SLC35D2: variants seen among roughly 807,000 people sequenced by gnomAD.
SLC35D2 encodes the protein solute carrier family 35 member D2.
Under a neutral mutation model 41.8 loss-of-function variants are expected in SLC35D2, and 43 were observed. The ratio of observed to expected loss-of-function variants is 1.03; its 90% CI spans 0.81 to 1.33. The LOEUF (loss-of-function observed/expected upper bound fraction) is 1.33. Among genes scored for constraint, SLC35D2 ranks in the 40% most tolerant of loss-of-function variants. SLC35D2 has a pLI of 0.00. For synonymous variants in SLC35D2, 150 were observed against 163.9 expected (o/e 0.92, Z 0.65); for missense variants, 380 against 408.4 (o/e 0.93, Z 0.60).
At chr9:96,324,040 G>T (rs748210789) in intron 10 of SLC35D2, 51 bp downstream of exon 10, 1 of 1,496,338 alleles carries the variant, frequency 6.7e-7, no homozygotes, top group Non-Finnish European at 9.3e-7. Context: ...GGAATATTTG[G>T]ATTTCCATTC....
Position 96,343,896 on chromosome 9 carries a change from C to T in SLC35D2, c.684+8G>A. On this transcript the variant is annotated splice_region_variant and intron_variant, in intron 8 of 11. Coordinates refer to ENST00000253270, the MANE Select transcript of SLC35D2 (RefSeq NM_007001.3). ...TAAGGAAAACTGTAATGATTGTCAT[C>T]AGCTCACCTGTTGCAGGTCTCCAGT... The T allele has an allele frequency of 6.6e-7, 1 of 1,506,690 alleles. No individual in the cohort carries two copies. Among genetic ancestry groups the T allele is most frequent in the South Asian group, 1.3e-5 (1 of 77,870 alleles). The allele number at this position is 1,506,690 out of a possible 1,614,324, so 93.3% of individuals were successfully genotyped here.
chr9:96,369,438 AAAAG>A (rs1830596246), intron 1 of SLC35D2, among the ~76,000 whole-genome samples: 1 of 152,172 alleles, frequency 6.6e-6, no homozygotes, highest in African/African-American at 2.4e-5. Context: ...AAGCTGAATG[AAAAG>A]AAAGGCAAAG....
At chr9:96,357,127 G>A (rs146655168) in intron 4 of SLC35D2, among the ~76,000 whole-genome samples, 2,726 of 152,104 alleles carry the variant, frequency 0.018, 78 homozygotes, top group African/African-American at 0.062. Flanking sequence ...GCGGTGAGCC[G>A]AGATCGTGCC....
At position 96,324,169 on chromosome 9, in the gene SLC35D2, C is replaced by G; in HGVS notation, c.753G>C (p.Gly251=). The stretch of plus-strand genomic sequence containing the variant: ...GAACCGTGGAGTACATCAGCAGAAA[C>G]CTGTGACAAGGAAGCAGACACTGGA... ...ILQFLLSCFL[G]FLLMYSTVLC... Residue 251 remains glycine, a splice_region_variant and synonymous_variant, in exon 10 of 12, where the codon GGG becomes GGC. Coordinates refer to ENST00000253270, the MANE Select transcript of SLC35D2 (RefSeq NM_007001.3). The G allele has an allele frequency of 6.2e-7, 1 of 1,613,590 alleles. No homozygotes were observed. Among genetic ancestry groups the G allele is most frequent in the African/African-American group, 1.3e-5 (1 of 75,016 alleles).
rs556160631 is a variant in SLC35D2 at position 96,321,196 on chromosome 9, C to G, written c.*46G>C. On this transcript the variant is annotated 3_prime_UTR_variant, in exon 12 of 12. Transcript: ENST00000253270. The stretch of plus-strand genomic sequence containing the variant: ...TTCACATTCCTACTGGGAATGCCCC[C>G]CCAGCCCGCAGTCACAAGTCAGTCT... The G allele has an allele frequency of 2.8e-6, 4 of 1,440,970 alleles. No homozygotes were observed. The highest frequency in any genetic ancestry group is 2.3e-5 in the East Asian group (1 of 43,944). The allele number at this position is 1,440,970 out of a possible 1,614,324, so 89.3% of individuals were successfully genotyped here.
intron 2 of SLC35D2, among the ~76,000 whole-genome samples, chr9:96,367,829 T>C (rs573192163): frequency 6.6e-6 from 1 of 152,140 alleles, no homozygotes; most frequent in East Asian, 1.9e-4. Context: ...CTTCTGATGC[T>C]AATAATAAGG....
At position 96,321,205 on chromosome 9, in the gene SLC35D2, C is replaced by T. The variant is rs1166647515; in HGVS notation, c.*37G>A. 2 of 1,485,754 alleles carry T rather than the reference C, an allele frequency of 1.3e-6. No homozygotes were observed. Among genetic ancestry groups the T allele is most frequent in the South Asian group, 1.1e-5 (1 of 87,014 alleles). The allele number at this position is 1,485,754 out of a possible 1,614,324, so 92.0% of individuals were successfully genotyped here. A position where few individuals can be genotyped will look rare whatever the true frequency, so the allele number is the denominator to read the frequency against. On this transcript the variant is annotated 3_prime_UTR_variant, in exon 12 of 12. Coordinates refer to ENST00000253270, the MANE Select transcript of SLC35D2 (RefSeq NM_007001.3). Reference sequence around the variant, plus strand: ...CTACTGGGAATGCCCCCCCAGCCCGCAGTCACAAGTCAGTCTCCAATCCTG... The same window carrying T: ...CTACTGGGAATGCCCCCCCAGCCCGTAGTCACAAGTCAGTCTCCAATCCTG...
intron 8 of SLC35D2, among the ~76,000 whole-genome samples, chr9:96,342,149 C>T (rs1042317314): frequency 3.3e-5 from 5 of 151,738 alleles, no homozygotes; most frequent in Admixed American, 3.3e-4. Flanking sequence ...CTCGCTCTGT[C>T]ACCCAGGCTG....
downstream of SLC35D2, among the ~76,000 whole-genome samples, chr9:96,316,484 C>A (rs1169677029): frequency 4.0e-5 from 6 of 149,706 alleles, no homozygotes; most frequent in African/African-American, 7.4e-5. Flanking sequence ...GACTCCATCT[C>A]AAAAAAACAA....
At chr9:96,339,842 T>C (rs1012395388) in intron 8 of SLC35D2, among the ~76,000 whole-genome samples, 1 of 152,222 alleles carries the variant, frequency 6.6e-6, no homozygotes, top group Non-Finnish European at 1.5e-5. Context: ...AATAGATCTA[T>C]TGACTGTGTA....
At chr9:96,381,986 C>T (rs1347507957) in intron 1 of SLC35D2, among the ~76,000 whole-genome samples, 1 of 152,132 alleles carries the variant, frequency 6.6e-6, no homozygotes, top group Non-Finnish European at 1.5e-5. Context: ...GAAAGTGTCT[C>T]GTTTATTCAT....
intron 9 of SLC35D2, among the ~76,000 whole-genome samples, chr9:96,336,243 G>C (rs1240811719): frequency 6.6e-6 from 1 of 152,040 alleles, no homozygotes; most frequent in Non-Finnish European, 1.5e-5. Flanking sequence ...TGGTGACAAA[G>C]ATGAAAACAT....
At chr9:96,314,116 T>C (rs1827996040) in exon 12 of SLC35D2, 1 of 152,328 alleles carries the variant, frequency 6.6e-6, no homozygotes, top group East Asian at 1.9e-4. Flanking sequence ...CCAGGTGTAA[T>C]GGTGTGTCCC....
intron 2 of SLC35D2, among the ~76,000 whole-genome samples, chr9:96,366,177 C>T (rs1369552410): frequency 6.6e-6 from 1 of 151,686 alleles, no homozygotes; most frequent in African/African-American, 2.4e-5. Flanking sequence ...TGGTGCATGC[C>T]TGTAGTCCCA....
intron 9 of SLC35D2, among the ~76,000 whole-genome samples, chr9:96,326,643 A>C (rs1048789237): frequency 6.6e-6 from 1 of 152,014 alleles, no homozygotes; most frequent in African/African-American, 2.4e-5. Flanking sequence ...CTCTAATAAA[A>C]ATACAAAAAA....
At chr9:96,315,137 A>G (rs1477251859) in intron 11 of SLC35D2, among the ~76,000 whole-genome samples, 1 of 152,082 alleles carries the variant, frequency 6.6e-6, no homozygotes, top group Non-Finnish European at 1.5e-5. Context: ...CTTTTTCTTT[A>G]AAGACAAGGT....
chr9:96,376,436 C>T (rs1336151349), intron 1 of SLC35D2, among the ~76,000 whole-genome samples: 1 of 151,636 alleles, frequency 6.6e-6, no homozygotes, highest in Non-Finnish European at 1.5e-5. Context: ...GAAACCCCGT[C>T]TCTACTAAAA....
intron 8 of SLC35D2, among the ~76,000 whole-genome samples, chr9:96,342,119 CTTT>C (rs113924709): frequency 6.7e-6 from 1 of 150,030 alleles, no homozygotes; most frequent in Non-Finnish European, 1.5e-5. Context: ...ATCTTTTTTC[CTTT>C]TTTTTTGAGA....
chr9:96,335,084 G>C (rs1174671182), intron 9 of SLC35D2, among the ~76,000 whole-genome samples: 1 of 152,172 alleles, frequency 6.6e-6, no homozygotes, highest in Non-Finnish European at 1.5e-5. Context: ...AAAGAGGTCA[G>C]GAGTTGTCTT....
Sources: allele counts gnomAD v4.1 joint callset (sites outside exome capture counted in the v4.1 genomes callset), GRCh38; gene constraint gnomAD v4.1.1; transcripts MANE v1.5; gene names NCBI Gene and HGNC (gene_info 2026-07-23, HGNC 2026-07-21).